ITGB4: variants seen among roughly 807,000 people sequenced by gnomAD.
ITGB4 encodes integrin subunit beta 4.
Under a neutral mutation model 207.6 loss-of-function variants are expected in ITGB4, and 159 were observed. The observed-to-expected ratio is 0.77, with a 90% CI of 0.67 to 0.87. The LOEUF is 0.87. Ranked by LOEUF, ITGB4 falls within the 40% of genes least tolerant of loss-of-function variation. The probability of loss-of-function intolerance (pLI) is 0.00; values close to 1 mark genes in which losing one functional copy is unlikely to be tolerated. For synonymous variants in ITGB4, 1,020 were observed against 1,062.7 expected, an observed-to-expected ratio of 0.96 and a Z score of 0.78; for missense variants, 2,278 against 2,546.8, an observed-to-expected ratio of 0.89 and a Z score of 2.27.
At chr17:75,735,435 A>G (rs2060954898) in intron 13 of ITGB4, among the ~76,000 whole-genome samples, 2 of 104,876 alleles carry the variant, frequency 1.9e-5, no homozygotes, top group Admixed American at 1.2e-4. Flanking sequence ...TTTTTTTGAG[A>G]CGGAGTCTTG....
At position 75,754,621 on chromosome 17, in the gene ITGB4, C is replaced by A. The variant is rs554267559; in HGVS notation, c.4364C>A (p.Thr1455Asn). The change falls in exon 34 of 40, where the codon ACC becomes AAC. Residue 1455 changes from threonine (T) to asparagine (N), a missense_variant. Thr to Asn is a moderately conservative substitution (Grantham distance 65). Coordinates refer to ENST00000200181, the MANE Select transcript of ITGB4 (RefSeq NM_000213.5). The part of the protein sequence containing the change: ...GRMDFAFPGS[T>N]NSLHRMTTTS... ...ATGGACTTTGCCTTCCCGGGCAGCACCAACTCCCTGCACAGGATGACCACG... is the reference window on the plus strand; with the variant it reads ...ATGGACTTTGCCTTCCCGGGCAGCAACAACTCCCTGCACAGGATGACCACG... The A allele has an allele frequency of 1.2e-6, 2 of 1,613,894 alleles. No individual in the cohort carries two copies. Among genetic ancestry groups the A allele is most frequent in the Admixed American group, 1.7e-5 (1 of 60,004 alleles).
At chr17:75,754,970 A>C (rs1478423276) in intron 34 of ITGB4, 155 bp downstream of exon 34, 3 of 1,325,164 alleles carry the variant, frequency 2.3e-6, no homozygotes, top group Non-Finnish European at 3.2e-6. Context: ...ACGCATGCAC[A>C]CATGTACACA....
chr17:75,733,180 A>G (rs887929455), intron 12 of ITGB4, among the ~76,000 whole-genome samples: 4 of 152,048 alleles, frequency 2.6e-5, no homozygotes, highest in African/African-American at 9.7e-5. Context: ...CAAGGTCAGG[A>G]GATCGAGACC....
chr17:75,738,297 C>T (rs1342506254), intron 18 of ITGB4, among the ~76,000 whole-genome samples: 1 of 151,882 alleles, frequency 6.6e-6, no homozygotes, highest in Non-Finnish European at 1.5e-5. Context: ...TCCTGGAGCC[C>T]CAGCCCCCAG....
In ITGB4 at chr17:75,753,769, C is replaced by A. The variant is rs376280983; in HGVS notation, c.4113C>A (p.Cys1371Ter). Residue 1371 changes from cysteine to a stop codon, truncating the protein, a stop_gained, in exon 33 of 40, where the codon TGC becomes TGA. Coordinates refer to ENST00000200181, the MANE Select transcript of ITGB4 (RefSeq NM_000213.5). LOFTEE classifies it high-confidence loss of function. ...CGGCCCTTCGTTGTTCCCAAGGCTG[C>A]GGCTGGAAGTTCGAGCCCCTGCTGG... Reference protein sequence around the residue: ...QRPSVSDDTGCGWKFEPLLGE... With the variant: ...QRPSVSDDTG 6.9e-7 allele frequency: 1 copy of A among 1,444,564 alleles called. No homozygotes were observed. The highest frequency in any genetic ancestry group is 9.1e-7 in the Non-Finnish European group (1 of 1,099,232). The allele number at this position is 1,444,564 out of a possible 1,614,324, so 89.5% of individuals were successfully genotyped here.
chr17:75,754,991 C>T (rs1027272515), intron 34 of ITGB4, 176 bp downstream of exon 34: 132 of 1,539,108 alleles, frequency 8.6e-5, no homozygotes, highest in African/African-American at 4.1e-4. Context: ...GACATGCATG[C>T]GCACACGTAC....
In ITGB4 at chr17:75,733,499, G is replaced by T; in HGVS notation, c.1464G>T (p.Gln488His). The T allele has an allele frequency of 6.2e-7, 1 of 1,613,140 alleles. No homozygotes were observed. Among genetic ancestry groups the T allele is most frequent in the Non-Finnish European group, 8.5e-7 (1 of 1,180,030 alleles). ...QCVCSEGWSG[Q>H]TCNCSTGSLS... ...CCAGTTCCTCCTTCAGGAGTGGCCAGACCTGCAACTGCTCCACCGGCTCTC... is the reference window on the plus strand; with the variant it reads ...CCAGTTCCTCCTTCAGGAGTGGCCATACCTGCAACTGCTCCACCGGCTCTC... The change falls in exon 13 of 40, where the codon CAG (glutamine) becomes CAT (histidine). Residue 488 changes from glutamine to histidine, a missense_variant. By Grantham distance (24) the Gln-to-His change is conservative (BLOSUM62 0). Coordinates refer to ENST00000200181, the MANE Select transcript of ITGB4 (RefSeq NM_000213.5).
chr17:75,756,871 C>T lies in ITGB4; in HGVS notation c.5053+12C>T. The T allele has an allele frequency of 6.2e-7, 1 of 1,612,298 alleles. No homozygotes were observed. The highest frequency in any genetic ancestry group is 8.5e-7 in the Non-Finnish European group (1 of 1,179,940). On this transcript the variant is annotated intron_variant, in intron 37 of 39. Transcript: ENST00000200181. ...GGCCCAAGGAGGAGGTGCTGCCCAC[C>T]CCGGGGGCAGGAGTGGCCAGGGGAG...
intron 26 of ITGB4, among the ~76,000 whole-genome samples, chr17:75,745,740 A>T (rs1473034641): frequency 2.0e-5 from 3 of 152,078 alleles, no homozygotes; most frequent in Non-Finnish European, 4.4e-5. Context: ...TTAGCTGGGC[A>T]TGGTGACACG....
rs1408046201 is a variant in ITGB4, at chr17:75,750,737, G to A, written c.3532G>A (p.Val1178Met). Residue 1178 changes from valine (V) to methionine (M), a missense_variant, in exon 29 of 40, where the codon GTG (valine) becomes ATG (methionine). By Grantham distance (21) the Val-to-Met change is conservative. Transcript: ENST00000200181. This position sits in a 1 kb window ranked among gnomAD's most constrained non-coding sequence, Gnocchi z 5.5. The stretch of plus-strand genomic sequence containing the variant: ...CGAAGCCCACCTGCTCGACAGCAAG[G>A]TGCCCTCAGTGGAGCTCACCAACCT... ...ESEAHLLDSK[V>M]PSVELTNLYP... 6.2e-7 allele frequency: 1 copy of A among 1,613,402 alleles called. No individual in the cohort carries two copies. The highest frequency in any genetic ancestry group is 1.7e-5 in the Admixed American group (1 of 59,992).
At position 75,752,087 on chromosome 17, in the gene ITGB4, G is replaced by A. The variant is rs1312066943; in HGVS notation, c.3794-87G>A. ...CCCAGCCCCTGGGTGCCATCCAGGG[G>A]ATGCACGGCCGTCCTGCTGTGTCAG... On this transcript the variant is annotated intron_variant, in intron 30 of 39. Coordinates refer to ENST00000200181, the MANE Select transcript of ITGB4 (RefSeq NM_000213.5). The A allele has an allele frequency of 5.0e-6, 7 of 1,408,672 alleles. No homozygotes were observed. In the African/African-American group the frequency reaches 8.5e-5, roughly 17 times the overall value. The allele number at this position is 1,408,672 out of a possible 1,614,324, so 87.3% of individuals were successfully genotyped here.
In ITGB4 at chr17:75,729,291, AC is replaced by A. The variant is rs752657203; in HGVS notation, c.600del (p.Phe201SerfsTer9). ...EKLKEPWPNS[D>X]PPFSFKNVIS... ...CTGAAGGAGCCCTGGCCCAACAGTG[AC>A]CCCCCCTTCTCCTTCAAGAACGTCA... On this transcript the variant is annotated frameshift_variant, in exon 7 of 40. Coordinates refer to ENST00000200181, the MANE Select transcript of ITGB4 (RefSeq NM_000213.5). LOFTEE classifies it high-confidence loss of function. The surrounding 1 kb of genome is among the most constrained non-coding windows in gnomAD (Gnocchi z 4.4). 12 of 1,613,472 alleles carry A rather than the reference AC, an allele frequency of 7.4e-6. No individual in the cohort carries two copies. The highest frequency in any genetic ancestry group is 5.0e-5 in the Admixed American group (3 of 59,908).
At position 75,755,783 on chromosome 17, in the gene ITGB4, C is replaced by T; in HGVS notation, c.4641C>T (p.Ser1547=). 1 of 1,612,240 alleles carries T rather than the reference C, an allele frequency of 6.2e-7. No individual in the cohort carries two copies. Among genetic ancestry groups the T allele is most frequent in the Non-Finnish European group, 8.5e-7 (1 of 1,179,942 alleles). The change falls in exon 35 of 40, where the codon AGC becomes AGT. Residue 1547 remains serine, a synonymous_variant. Transcript: ENST00000200181. ...SALGPTSLRV[S]WQEPRCERPL... ...TGGGGCCCACATCTCTCAGAGTGAG[C>T]TGGCAGGAGCCGCGGTGCGAGCGGC...
chr17:75,753,878 T>C lies in ITGB4; in HGVS notation c.4222T>C (p.Ser1408Pro). The change falls in exon 33 of 40, where the codon TCC becomes CCC. Residue 1408 changes from serine to proline, a missense_variant. Transcript: ENST00000200181. Reference protein sequence around the residue: ...PRLSASSGRSSDAEAPHGPPD... With the variant: ...PRLSASSGRSPDAEAPHGPPD... The stretch of plus-strand genomic sequence containing the variant: ...CCTGTCGGCCAGCAGCGGGCGCTCC[T>C]CCGACGCCGAGGCGCCCCACGGGCC... 1 of 1,330,578 alleles carries C rather than the reference T, an allele frequency of 7.5e-7. No homozygotes were observed. The highest frequency in any genetic ancestry group is 9.6e-7 in the Non-Finnish European group (1 of 1,043,276). The allele number at this position is 1,330,578 out of a possible 1,614,324, so 82.4% of individuals were successfully genotyped here.
Position 75,733,500 on chromosome 17 carries a change from A to G in ITGB4, c.1465A>G (p.Thr489Ala). 6.2e-7 allele frequency: 1 copy of G among 1,613,126 alleles called. No individual in the cohort carries two copies. Among genetic ancestry groups the G allele is most frequent in the Admixed American group, 1.7e-5 (1 of 60,020 alleles). ...CAGTTCCTCCTTCAGGAGTGGCCAG[A>G]CCTGCAACTGCTCCACCGGCTCTCT... is the stretch of plus-strand genomic sequence containing the variant. ...CVCSEGWSGQTCNCSTGSLSD... is the reference protein window; with the variant it reads ...CVCSEGWSGQACNCSTGSLSD... Residue 489 changes from threonine to alanine, a missense_variant, in exon 13 of 40, where the codon ACC becomes GCC. Thr to Ala is a moderately conservative substitution (Grantham distance 58). Coordinates refer to ENST00000200181, the MANE Select transcript of ITGB4 (RefSeq NM_000213.5).
At position 75,731,980 on chromosome 17, in the gene ITGB4, C is replaced by T. The variant is rs200004156; in HGVS notation, c.1377+7C>T. ...TGTGTGCACCTGCGAGCTGGTACAA[C>T]GCAGCCCCGCAGGGCGGGAGGGGAG... On this transcript the variant is annotated splice_region_variant and intron_variant, in intron 11 of 39. Coordinates refer to ENST00000200181, the MANE Select transcript of ITGB4 (RefSeq NM_000213.5). The surrounding 1 kb of genome is among the most constrained non-coding windows in gnomAD (Gnocchi z 6.8). 375 of 1,613,974 alleles carry T rather than the reference C, an allele frequency of 2.3e-4. 1 individual carries two copies. Among genetic ancestry groups the T allele is most frequent in the East Asian group, 7.8e-4 (35 of 44,888 alleles).
Position 75,733,476 on chromosome 17 carries a change from A to C in ITGB4, c.1455-14A>C. Reference sequence around the variant, plus strand: ...TCCTGGGCTGTTTCGGGGAATGACCAGTTCCTCCTTCAGGAGTGGCCAGAC... The same window carrying C: ...TCCTGGGCTGTTTCGGGGAATGACCCGTTCCTCCTTCAGGAGTGGCCAGAC... On this transcript the variant is annotated splice_polypyrimidine_tract_variant and intron_variant, in intron 12 of 39. Coordinates refer to ENST00000200181, the MANE Select transcript of ITGB4 (RefSeq NM_000213.5). 6.2e-7 allele frequency: 1 copy of C among 1,611,596 alleles called. No individual in the cohort carries two copies. The highest frequency in any genetic ancestry group is 1.1e-5 in the South Asian group (1 of 90,992).
chr17:75,740,297 G>A lies in ITGB4; in HGVS notation c.2447-61G>A, dbSNP rs1484475843. The A allele has an allele frequency of 1.9e-5, 27 of 1,450,846 alleles. No homozygotes were observed. The highest frequency in any genetic ancestry group is 2.8e-5 in the African/African-American group (2 of 72,044). 89.9% of individuals were successfully genotyped at this position (1,450,846 alleles called of 1,614,324 possible). Reference sequence around the variant, plus strand: ...ATGGTTGCTGGAGGGATGCTCTGTGGTGCCTGTCATGCAGGGGGCTGACCA... The same window carrying A: ...ATGGTTGCTGGAGGGATGCTCTGTGATGCCTGTCATGCAGGGGGCTGACCA... On this transcript the variant is annotated intron_variant, in intron 20 of 39. Transcript: ENST00000200181. This position sits in a 1 kb window ranked among gnomAD's most constrained non-coding sequence, Gnocchi z 5.9.
intron 26 of ITGB4, among the ~76,000 whole-genome samples, chr17:75,745,357 T>A (rs2061210266): frequency 6.6e-6 from 1 of 151,904 alleles, no homozygotes; most frequent in Admixed American, 6.6e-5. Flanking sequence ...CATGCCACTG[T>A]ACTTCAGCCT....
Sources: gnomAD v4.1 joint callset for allele counts (sites outside exome capture counted in the v4.1 genomes callset) on GRCh38, gnomAD v4.1.1 for gene constraint, Gnocchi (gnomAD v3.1) non-coding constraint, MANE v1.5 for transcripts, NCBI Gene and HGNC (gene_info 2026-07-23, HGNC 2026-07-21) for gene names.